Variants in ARSG observed in about 807,000 individuals in gnomAD.
The protein encoded by ARSG is ASG.
Under a neutral mutation model 50.5 loss-of-function variants are expected in ARSG, and 37 were observed. The observed-to-expected ratio is 0.73, with a 90% confidence interval of 0.56 to 0.96. The LOEUF is 0.96. Among genes scored for constraint, ARSG ranks in the 50% least tolerant of loss-of-function variants. The probability of loss-of-function intolerance (pLI) is 0.00; values close to 1 mark genes in which losing one functional copy is unlikely to be tolerated. For synonymous variants in ARSG, 225 were observed against 254.6 expected, an observed-to-expected ratio of 0.88 and a Z score of 1.11; for missense variants, 629 against 675.3, an observed-to-expected ratio of 0.93 and a Z score of 0.76.
chr17:68,292,035 C>T (rs922754637), intron 1 of ARSG, among the ~76,000 whole-genome samples: 1 of 152,102 alleles, frequency 6.6e-6, no homozygotes, highest in African/African-American at 2.4e-5. Flanking sequence ...TTCGTCAACT[C>T]GCGCACCCCC....
At position 68,382,633 on chromosome 17, in the gene ARSG, A is replaced by G. The variant is rs145764612; in HGVS notation, c.983-2431A>G. 6.8e-4 allele frequency among the ~76,000 whole-genome samples: 103 copies of G among 152,244 alleles called. No homozygotes were observed. In the East Asian group the frequency reaches 0.016, roughly 24 times the overall value. On this transcript the variant is annotated intron_variant, in intron 8 of 11. Coordinates refer to ENST00000621439, the MANE Select transcript of ARSG (RefSeq NM_001267727.2). Reference sequence around the variant, plus strand: ...ATGCATCTCATAATTAGAGTACACAATCCTAGGGGCCGATAGAATGCCAGT... The same window carrying G: ...ATGCATCTCATAATTAGAGTACACAGTCCTAGGGGCCGATAGAATGCCAGT...
intron 2 of ARSG, among the ~76,000 whole-genome samples, chr17:68,312,509 C>T (rs557678899): frequency 1.3e-5 from 2 of 152,078 alleles, no homozygotes; most frequent in African/African-American, 2.4e-5. Context: ...GAGGCCTACA[C>T]GTTTTTTTTT....
chr17:68,319,394 A>C (rs1293354097), intron 2 of ARSG, among the ~76,000 whole-genome samples: 4 of 152,190 alleles, frequency 2.6e-5, no homozygotes, highest in Non-Finnish European at 1.5e-5. Flanking sequence ...AATCAAAATC[A>C]TGTCATGCCC....
chr17:68,342,986 A>G (rs1030218134), intron 2 of ARSG, among the ~76,000 whole-genome samples: 4 of 152,242 alleles, frequency 2.6e-5, no homozygotes, highest in Non-Finnish European at 5.9e-5. Flanking sequence ...GATTAAAAAC[A>G]TACAACGTTA....
At chr17:68,283,878 CAAAAAAAA>C (rs58291216) in intron 1 of ARSG, among the ~76,000 whole-genome samples, 1 of 55,432 alleles carries the variant, frequency 1.8e-5, no homozygotes, top group East Asian at 5.4e-4. Flanking sequence ...AACTCCGTCT[CAAAAAAAA>C]AAAAAAAAAA....
intron 1 of ARSG, among the ~76,000 whole-genome samples, chr17:68,282,051 C>T (rs886556247): frequency 1.1e-4 from 16 of 152,120 alleles, no homozygotes; most frequent in African/African-American, 2.9e-4. Flanking sequence ...CACATGCACA[C>T]GTATGTTTAT....
intron 6 of ARSG, among the ~76,000 whole-genome samples, chr17:68,360,377 T>TC (rs1244008738): frequency 4.6e-5 from 7 of 151,964 alleles, no homozygotes; most frequent in African/African-American, 7.2e-5. Context: ...CTCAAGCCCC[T>TC]CCCCCACCTT....
chr17:68,401,617 C>G (rs933065686), intron 11 of ARSG, among the ~76,000 whole-genome samples, 167 bp downstream of exon 11: 1 of 152,212 alleles, frequency 6.6e-6, no homozygotes, highest in African/African-American at 2.4e-5. Flanking sequence ...TGCACAGGCT[C>G]TCTGGATCCC....
At chr17:68,354,119 A>T (rs1217494993) in intron 5 of ARSG, among the ~76,000 whole-genome samples, 1 of 142,946 alleles carries the variant, frequency 7.0e-6, no homozygotes, top group Admixed American at 7.1e-5. Context: ...TTTTTAATCT[A>T]TGTTAAAAAT....
At chr17:68,260,015 GTTAAC>G (rs782154302) in intron 1 of ARSG, among the ~76,000 whole-genome samples, 1 of 152,314 alleles carries the variant, frequency 6.6e-6, no homozygotes, top group Admixed American at 6.5e-5. Flanking sequence ...TGGCTTCGGT[GTTAAC>G]TTGTTTCTTT....
chr17:68,401,312 C>T lies in ARSG; in HGVS notation c.1213-48C>T, dbSNP rs201856290. 1.2e-5 allele frequency: 18 copies of T among 1,547,116 alleles called. No homozygotes were observed. The African/African-American group carries it at 1.5e-4, about 13-fold the overall frequency. On this transcript the variant is annotated intron_variant, in intron 10 of 11. Transcript: ENST00000621439. ...TATTGGGATTACAGGCATGAGTCACCGAGTTCTGCCAATTTTTCTATTAGT... is the reference window on the plus strand; with the variant it reads ...TATTGGGATTACAGGCATGAGTCACTGAGTTCTGCCAATTTTTCTATTAGT...
At chr17:68,285,384 G>C (rs1412055043) in intron 1 of ARSG, among the ~76,000 whole-genome samples, 2 of 152,186 alleles carry the variant, frequency 1.3e-5, no homozygotes, top group Non-Finnish European at 2.9e-5. Context: ...AAACTCCTGG[G>C]CTCGTGCAGG....
intron 2 of ARSG, among the ~76,000 whole-genome samples, chr17:68,318,229 A>T (rs1293458984): frequency 1.3e-5 from 2 of 152,234 alleles, no homozygotes; most frequent in Admixed American, 1.3e-4. Context: ...CATCATTTCC[A>T]GCTCTTCATG....
chr17:68,430,323 C>T, the ARSG span, among the ~76,000 whole-genome samples: 97 of 152,296 alleles, frequency 6.4e-4, no homozygotes, highest in African/African-American at 2.2e-3. Flanking sequence ...ACGTATTATT[C>T]TGGCAATAAC....
chr17:68,320,763 G>C (rs147229302), intron 2 of ARSG, among the ~76,000 whole-genome samples: 272 of 152,300 alleles, frequency 1.8e-3, no homozygotes, highest in African/African-American at 5.9e-3. Context: ...GCCCACCTGG[G>C]TGGCTGGAAG....
chr17:68,305,546 C>T (rs1555763692), intron 1 of ARSG, among the ~76,000 whole-genome samples: 1 of 152,172 alleles, frequency 6.6e-6, no homozygotes, highest in Non-Finnish European at 1.5e-5. Context: ...AGATGCACCA[C>T]TGGTTGAACA....
chr17:68,428,596 G>T, the ARSG span: 1 of 461,540 alleles, frequency 2.2e-6, no homozygotes, highest in Middle Eastern at 6.4e-4. Context: ...AGGCTGAGGG[G>T]GAGACCATCT....
In ARSG at chr17:68,344,276, C is replaced by T. The variant is rs540181347; in HGVS notation, c.406+485C>T. The stretch of plus-strand genomic sequence containing the variant: ...AGAGCTGGGTCTTTTGGCCACGCCT[C>T]ACTGCTGCACTCCCAGATTGAGAAA... On this transcript the variant is annotated intron_variant, in intron 3 of 11. Coordinates refer to ENST00000621439, the MANE Select transcript of ARSG (RefSeq NM_001267727.2). Among the ~76,000 whole-genome samples, 9 of 152,338 alleles carry T rather than the reference C, an allele frequency of 5.9e-5. No individual in the cohort carries two copies. In the South Asian group the frequency reaches 1.9e-3, roughly 32 times the overall value.
At chr17:68,309,623 C>G (rs545216442) in intron 2 of ARSG, among the ~76,000 whole-genome samples, 9 of 152,214 alleles carry the variant, frequency 5.9e-5, no homozygotes, top group African/African-American at 1.4e-4. Context: ...CTTTGGGAGG[C>G]TGAGGCAGGT....
Sources: allele counts gnomAD v4.1 joint callset (sites outside exome capture counted in the v4.1 genomes callset), GRCh38; gene constraint gnomAD v4.1.1; transcripts MANE v1.5; gene names NCBI Gene and HGNC (gene_info 2026-07-23, HGNC 2026-07-21).